OPHN1: variants seen among roughly 807,000 people sequenced by gnomAD.
The protein encoded by OPHN1 is oligophrenin-1.
Under a neutral mutation model 60.7 loss-of-function variants are expected in OPHN1, and 11 were observed. That is an observed-to-expected ratio of 0.18 (90% confidence interval 0.11 to 0.30). The LOEUF (loss-of-function observed/expected upper bound fraction) is 0.30. Ranked by LOEUF, OPHN1 falls within the 10% of genes least tolerant of loss-of-function variation. The probability of loss-of-function intolerance (pLI) is 1.00; values close to 1 mark genes in which losing one functional copy is unlikely to be tolerated. For missense variants in OPHN1, 449 were observed against 611.0 expected (o/e 0.73, Z 2.80); for synonymous variants, 226 against 222.6 (o/e 1.02, Z -0.14).
chrX:68,154,399 A>G (rs992509780), intron 15 of OPHN1, among the ~76,000 whole-genome samples: 1 of 112,406 alleles, frequency 8.9e-6, no homozygotes, highest in African/African-American at 3.2e-5. Flanking sequence ...TAAATATATC[A>G]CCTAAGGACA....
intron 2 of OPHN1, among the ~76,000 whole-genome samples, chrX:68,409,072 G>A (rs958990841): frequency 1.8e-5 from 2 of 112,409 alleles, no homozygotes; most frequent in African/African-American, 3.2e-5. Context: ...AGTCTCAATC[G>A]ACATTTCCTC....
intron 15 of OPHN1, among the ~76,000 whole-genome samples, chrX:68,156,033 G>T (rs1052857939): frequency 9.0e-6 from 1 of 111,408 alleles, no homozygotes; most frequent in Admixed American, 9.6e-5. Flanking sequence ...GAGAAAATGT[G>T]TCAGCATCAT....
chrX:68,402,338 A>G (rs2078719191), intron 2 of OPHN1, among the ~76,000 whole-genome samples: 1 of 108,280 alleles, frequency 9.2e-6, no homozygotes, highest in African/African-American at 3.4e-5. Flanking sequence ...AAGAAGAAAA[A>G]GAAGAAGAAG....
intron 4 of OPHN1, among the ~76,000 whole-genome samples, chrX:68,279,570 T>G (rs1161910543): frequency 1.8e-5 from 2 of 111,321 alleles, no homozygotes; most frequent in African/African-American, 6.5e-5. Flanking sequence ...TAAAGCTTAC[T>G]TTGGACTCTT....
intron 2 of OPHN1, among the ~76,000 whole-genome samples, chrX:68,410,457 G>C (rs1305259496): frequency 4.5e-5 from 5 of 110,336 alleles, no homozygotes; most frequent in African/African-American, 1.7e-4. Flanking sequence ...AGCTACTCAG[G>C]AGACTACGGC....
At chrX:68,294,473 CAAAAAAAAAAAAAAA>C (rs570989143) in intron 3 of OPHN1, among the ~76,000 whole-genome samples, 3 of 10,644 alleles carry the variant, frequency 2.8e-4, no homozygotes, top group South Asian at 5.5e-3. Context: ...GACTCTATCA[CAAAAAAAAAAAAAAA>C]AAAAAAAAAA....
intron 19 of OPHN1, among the ~76,000 whole-genome samples, chrX:68,078,992 TAAATA>T (rs2076964401): frequency 1.0e-5 from 1 of 96,667 alleles, no homozygotes; most frequent in African/African-American, 3.6e-5. Context: ...TCAAAATAAA[TAAATA>T]AATAAATAAA....
In OPHN1 at chrX:68,045,574, C is replaced by T. The variant is rs555804328; in HGVS notation, c.*1598G>A. ...CTGGGCAACATTATAATTATACAGA[C>T]GCTACAGACAAGCTACGGCCCAGGC... On this transcript the variant is annotated 3_prime_UTR_variant, in exon 25 of 25. Coordinates refer to ENST00000355520, the MANE Select transcript of OPHN1 (RefSeq NM_002547.3). The T allele has an allele frequency of 9.0e-6, 1 of 111,721 alleles. No homozygotes were observed. Among genetic ancestry groups the T allele is most frequent in the Admixed American group, 9.5e-5 (1 of 10,525 alleles). The allele number at this position is 111,721 out of a possible 1,213,427, so 9.2% of individuals were successfully genotyped here.
chrX:68,209,096 G>A (rs757735497), intron 9 of OPHN1, among the ~76,000 whole-genome samples: 4 of 112,357 alleles, frequency 3.6e-5, no homozygotes, highest in African/African-American at 1.3e-4. Context: ...GCCTCTGGGT[G>A]TGTGTCCTCT....
At chrX:68,282,960 A>G in intron 4 of OPHN1, 96 bp downstream of exon 4, 1 of 673,613 alleles carries the variant, frequency 1.5e-6, no homozygotes, top group Non-Finnish European at 2.4e-6. Context: ...TCTGACAGAA[A>G]TCAAAATAGT....
intron 15 of OPHN1, among the ~76,000 whole-genome samples, chrX:68,169,657 C>A (rs1345189890): frequency 1.8e-5 from 2 of 109,986 alleles, no homozygotes; most frequent in Admixed American, 9.7e-5. Context: ...CTTTGACAAA[C>A]CTCACAAAAA....
At chrX:68,415,344 C>A (rs2078788801) in intron 2 of OPHN1, among the ~76,000 whole-genome samples, 1 of 111,828 alleles carries the variant, frequency 8.9e-6, no homozygotes, top group Non-Finnish European at 1.9e-5. Flanking sequence ...ATAACAAGAT[C>A]ATACCAATCA....
At chrX:68,429,251 C>T (rs1450762239) in intron 2 of OPHN1, among the ~76,000 whole-genome samples, 3 of 109,877 alleles carry the variant, frequency 2.7e-5, no homozygotes, top group Admixed American at 9.7e-5. Flanking sequence ...GACAAAACCC[C>T]GTCTCTACTA....
chrX:68,187,335 T>C (rs1469596031), intron 15 of OPHN1, among the ~76,000 whole-genome samples: 2 of 110,990 alleles, frequency 1.8e-5, no homozygotes, highest in Admixed American at 1.9e-4. Context: ...TCTGATGATC[T>C]GGGTGGAATG....
At chrX:68,184,882 C>T (rs1015328594) in intron 15 of OPHN1, among the ~76,000 whole-genome samples, 1 of 112,534 alleles carries the variant, frequency 8.9e-6, no homozygotes, top group Non-Finnish European at 1.9e-5. Flanking sequence ...CGGCTTGAGC[C>T]ACTATCCCCA....
At chrX:68,219,578 A>C (rs1235777956) in intron 6 of OPHN1, among the ~76,000 whole-genome samples, 2 of 110,579 alleles carry the variant, frequency 1.8e-5, no homozygotes, top group Non-Finnish European at 3.8e-5. Context: ...ATAACAAACT[A>C]TCTCTCAGAC....
At chrX:68,066,165 G>C (rs138769530) in intron 20 of OPHN1, among the ~76,000 whole-genome samples, 3 of 112,548 alleles carry the variant, frequency 2.7e-5, no homozygotes, top group African/African-American at 9.7e-5. Flanking sequence ...GCACTCAGGA[G>C]TAACTCAAGC....
chrX:68,317,577 G>A (rs868365683), intron 2 of OPHN1, among the ~76,000 whole-genome samples: 20 of 75,627 alleles, frequency 2.6e-4, no homozygotes, highest in Non-Finnish European at 3.3e-4. Flanking sequence ...GAAAGAAAGA[G>A]AAAGAAAGAA....
chrX:68,381,823 CT>C (rs1403510918), intron 2 of OPHN1, among the ~76,000 whole-genome samples: 2 of 110,857 alleles, frequency 1.8e-5, no homozygotes, highest in South Asian at 3.8e-4. Context: ...TCTTCCCTTT[CT>C]TTCTTTCTCT....
Sources: allele counts gnomAD v4.1 joint callset (sites outside exome capture counted in the v4.1 genomes callset), GRCh38; gene constraint gnomAD v4.1.1; transcripts MANE v1.5; gene names NCBI Gene and HGNC (gene_info 2026-07-23, HGNC 2026-07-21).